Variants in GRM7 observed in about 807,000 individuals in gnomAD.
GRM7 encodes the protein metabotropic glutamate receptor 7.
GRM7 carries 35 observed loss-of-function variants against 84.5 expected under a neutral mutation model. That is an observed-to-expected ratio of 0.41 (90% CI 0.32 to 0.55). The LOEUF (loss-of-function observed/expected upper bound fraction) is 0.55. Among genes scored for constraint, GRM7 ranks in the 20% least tolerant of loss-of-function variants. The pLI is 0.19. For synonymous variants in GRM7, 487 were observed against 455.1 expected, an observed-to-expected ratio of 1.07 and a Z score of -0.89; for missense variants, 1,003 against 1,194.6, an observed-to-expected ratio of 0.84 and a Z score of 2.36.
intron 1 of GRM7, among the ~76,000 whole-genome samples, chr3:6,912,795 T>C (rs2125019588): frequency 6.6e-6 from 1 of 152,294 alleles, no homozygotes; most frequent in East Asian, 1.9e-4. Context: ...CAAAGATTGA[T>C]TTAAAATAAT....
At chr3:7,609,464 G>A (rs1376367724) in intron 8 of GRM7, among the ~76,000 whole-genome samples, 2 of 152,196 alleles carry the variant, frequency 1.3e-5, no homozygotes, top group East Asian at 1.9e-4. Flanking sequence ...GAACAGGGCA[G>A]AGTAGAGGAG....
chr3:7,450,905 T>C (rs1291556662), intron 5 of GRM7, among the ~76,000 whole-genome samples: 1 of 151,830 alleles, frequency 6.6e-6, no homozygotes, highest in Non-Finnish European at 1.5e-5. Context: ...TGAATTTCCC[T>C]CTTGGAGGTT....
At chr3:7,072,772 C>G (rs1408182042) in intron 1 of GRM7, among the ~76,000 whole-genome samples, 3 of 152,130 alleles carry the variant, frequency 2.0e-5, no homozygotes, top group African/African-American at 7.2e-5. Context: ...CAGAACATTA[C>G]AGAACACAGT....
intron 8 of GRM7, among the ~76,000 whole-genome samples, chr3:7,643,089 TG>T (rs1698435848): frequency 6.6e-6 from 1 of 152,134 alleles, no homozygotes; most frequent in East Asian, 1.9e-4. Flanking sequence ...CATCACGTGC[TG>T]GGTGATTGTT....
chr3:7,174,178 T>C (rs1695072007), intron 2 of GRM7, among the ~76,000 whole-genome samples: 1 of 152,128 alleles, frequency 6.6e-6, no homozygotes, highest in African/African-American at 2.4e-5. Flanking sequence ...AACTTAGTGA[T>C]GGAAAAACAC....
intron 1 of GRM7, among the ~76,000 whole-genome samples, chr3:7,068,478 C>T (rs919260024): frequency 6.6e-6 from 1 of 151,940 alleles, no homozygotes; most frequent in Non-Finnish European, 1.5e-5. Flanking sequence ...GTCTGCAATA[C>T]CCATGTATTT....
intron 4 of GRM7, among the ~76,000 whole-genome samples, chr3:7,390,902 G>T (rs1421064240): frequency 6.6e-6 from 1 of 152,046 alleles, no homozygotes; most frequent in Non-Finnish European, 1.5e-5. Flanking sequence ...GGATCCTTTG[G>T]AGGTGACAAA....
intron 4 of GRM7, among the ~76,000 whole-genome samples, chr3:7,326,394 GT>G (rs1297947329): frequency 6.6e-6 from 1 of 152,100 alleles, no homozygotes; most frequent in African/African-American, 2.4e-5. Context: ...TACATAGCAA[GT>G]GATTATAGCA....
rs115261170 is a variant in GRM7 at position 7,362,395 on chromosome 3, A to G, written c.1034-52628A>G. ...AAATTCAAAACGAGAGAAAATGACTATTCTTGAAAATAATTATTATTTGGT... is the reference window on the plus strand; with the variant it reads ...AAATTCAAAACGAGAGAAAATGACTGTTCTTGAAAATAATTATTATTTGGT... On this transcript the variant is annotated intron_variant, in intron 4 of 9. Transcript: ENST00000357716. Among the ~76,000 whole-genome samples, 937 of 152,214 alleles carry G rather than the reference A, an allele frequency of 6.2e-3. 6 individuals are homozygous for G. Among genetic ancestry groups the G allele is most frequent in the African/African-American group, 0.021 (878 of 41,560 alleles).
chr3:7,301,897 G>A (rs17047063), intron 3 of GRM7, among the ~76,000 whole-genome samples: 72,080 of 151,956 alleles, frequency 0.47, 18,773 homozygotes, highest in Non-Finnish European at 0.6. Flanking sequence ...GTTAACTTCA[G>A]ATACTTTGTC....
At chr3:7,240,120 G>GTTTTTTGTT (rs1343016922) in intron 2 of GRM7, among the ~76,000 whole-genome samples, 2 of 52,732 alleles carry the variant, frequency 3.8e-5, no homozygotes, top group African/African-American at 1.4e-4. Context: ...AGCATGTGAG[G>GTTTTTTGTT]TTTTTTTTTT....
At chr3:7,018,155 T>G (rs547232872) in intron 1 of GRM7, among the ~76,000 whole-genome samples, 2 of 152,352 alleles carry the variant, frequency 1.3e-5, no homozygotes, top group African/African-American at 4.8e-5. Context: ...ATCCTTATAT[T>G]ACTTTAACAT....
chr3:7,430,701 C>G (rs1426029608), intron 5 of GRM7, among the ~76,000 whole-genome samples: 1 of 152,168 alleles, frequency 6.6e-6, no homozygotes. Context: ...GGGGACAGTC[C>G]TCCATTGGCC....
intron 5 of GRM7, among the ~76,000 whole-genome samples, chr3:7,447,003 CA>C (rs914622712): frequency 3.3e-5 from 5 of 151,724 alleles, no homozygotes; most frequent in African/African-American, 1.2e-4. Flanking sequence ...ACAATTTATT[CA>C]ACAGAAGGTT....
chr3:7,602,914 G>A lies in GRM7; in HGVS notation c.2451+23557G>A, dbSNP rs562452830. Among the ~76,000 whole-genome samples, 47 of 152,252 alleles carry A rather than the reference G, an allele frequency of 3.1e-4. 1 individual carries two copies. In the South Asian group the frequency reaches 9.5e-3, roughly 31 times the overall value. ...AGGCTTTCTGGCATGTGGGGAATGAGTTGAGTTGGTAAGTTAAGCTTTTAA... is the reference window on the plus strand; with the variant it reads ...AGGCTTTCTGGCATGTGGGGAATGAATTGAGTTGGTAAGTTAAGCTTTTAA... On this transcript the variant is annotated intron_variant, in intron 8 of 9. Coordinates refer to ENST00000357716, the MANE Select transcript of GRM7 (RefSeq NM_000844.4).
intron 7 of GRM7, among the ~76,000 whole-genome samples, chr3:7,542,284 C>G (rs67927930): frequency 0.095 from 14,383 of 152,170 alleles, 1,130 homozygotes; most frequent in African/African-American, 0.22. Flanking sequence ...GTGCTTTTCT[C>G]CCCGCTCCAT....
At chr3:6,906,007 C>T (rs1004225169) in intron 1 of GRM7, among the ~76,000 whole-genome samples, 6 of 152,172 alleles carry the variant, frequency 3.9e-5, no homozygotes, top group Middle Eastern at 3.2e-3. Flanking sequence ...TTATAAGCCA[C>T]CTCACCTTTA....
At chr3:7,331,655 A>G (rs750110625) in intron 4 of GRM7, among the ~76,000 whole-genome samples, 3 of 152,182 alleles carry the variant, frequency 2.0e-5, no homozygotes, top group Non-Finnish European at 4.4e-5. Flanking sequence ...ACATATTTCC[A>G]GGAGCTTTTG....
At chr3:7,692,721 A>T (rs1228225744) in intron 9 of GRM7, among the ~76,000 whole-genome samples, 3 of 152,188 alleles carry the variant, frequency 2.0e-5, no homozygotes, top group Non-Finnish European at 4.4e-5. Context: ...AACACACACC[A>T]ATGAGTGGCA....
Sources: allele counts gnomAD v4.1 joint callset (sites outside exome capture counted in the v4.1 genomes callset), GRCh38; gene constraint gnomAD v4.1.1; transcripts MANE v1.5; gene names NCBI Gene and HGNC (gene_info 2026-07-23, HGNC 2026-07-21).